The following ZFYVE9 variants were observed in gnomAD, a reference collection of about 807,000 sequenced individuals.
The protein encoded by ZFYVE9 is zinc finger FYVE-type containing 9.
Under a neutral mutation model 126.7 loss-of-function variants are expected in ZFYVE9, and 43 were observed. The observed-to-expected ratio is 0.34, with a 90% CI of 0.27 to 0.44. The LOEUF (loss-of-function observed/expected upper bound fraction) is 0.44, where lower values mean the gene tolerates loss of function less well. Ranked by LOEUF, ZFYVE9 falls within the 20% of genes least tolerant of loss-of-function variation. ZFYVE9 has a pLI of 1.00. For synonymous variants in ZFYVE9, 521 were observed against 597.4 expected, an observed-to-expected ratio of 0.87 and a Z score of 1.87; for missense variants, 1,476 against 1,697.0, an observed-to-expected ratio of 0.87 and a Z score of 2.29.
intron 7 of ZFYVE9, among the ~76,000 whole-genome samples, chr1:52,272,441 T>C (rs1393876448): frequency 1.3e-5 from 2 of 152,232 alleles, no homozygotes; most frequent in Non-Finnish European, 2.9e-5. Flanking sequence ...GTTTTGCTTA[T>C]TCTTGAATTC....
At chr1:52,227,480 C>T (rs1457754068) in intron 2 of ZFYVE9, among the ~76,000 whole-genome samples, 2 of 152,350 alleles carry the variant, frequency 1.3e-5, no homozygotes, top group Middle Eastern at 3.4e-3. Flanking sequence ...TCCAATCAGC[C>T]TTTGCAGCTG....
chr1:52,331,777 T>A (rs1273062563), intron 13 of ZFYVE9, among the ~76,000 whole-genome samples: 3 of 150,368 alleles, frequency 2.0e-5, no homozygotes, highest in Admixed American at 2.0e-4. Context: ...CAAACTCTTT[T>A]TTTTTTTTTT....
chr1:52,336,283 T>C (rs935776258), intron 15 of ZFYVE9, among the ~76,000 whole-genome samples: 4 of 151,860 alleles, frequency 2.6e-5, no homozygotes, highest in African/African-American at 9.7e-5. Context: ...TGCACTAATA[T>C]TTTACAACTA....
At chr1:52,155,200 C>T (rs889010274) in intron 1 of ZFYVE9, among the ~76,000 whole-genome samples, 1 of 150,818 alleles carries the variant, frequency 6.6e-6, no homozygotes, top group African/African-American at 2.4e-5. Context: ...TAATAGGACA[C>T]AGTTGCACAC....
At chr1:52,267,544 AT>A (rs1645646299) in intron 6 of ZFYVE9, among the ~76,000 whole-genome samples, 1 of 152,038 alleles carries the variant, frequency 6.6e-6, no homozygotes, top group Non-Finnish European at 1.5e-5. Flanking sequence ...TCCTTCATTA[AT>A]TTTATCTTTT....
chr1:52,267,432 T>C (rs960665019), intron 6 of ZFYVE9, among the ~76,000 whole-genome samples: 4 of 152,210 alleles, frequency 2.6e-5, no homozygotes, highest in Non-Finnish European at 5.9e-5. Context: ...TATTGTCAGA[T>C]GAAAGGCACT....
chr1:52,314,556 G>A (rs1646165630), intron 13 of ZFYVE9, among the ~76,000 whole-genome samples: 1 of 152,272 alleles, frequency 6.6e-6, no homozygotes, highest in East Asian at 1.9e-4. Flanking sequence ...TGTGGCTCAC[G>A]CCTGTAATCC....
chr1:52,151,511 G>A (rs891934298), intron 1 of ZFYVE9, among the ~76,000 whole-genome samples: 15 of 150,574 alleles, frequency 1.0e-4, no homozygotes, highest in African/African-American at 3.7e-4. Flanking sequence ...GTGTGTATGT[G>A]TGTTTTTTCT....
At chr1:52,192,267 T>C (rs1225919939) in intron 1 of ZFYVE9, among the ~76,000 whole-genome samples, 1 of 152,196 alleles carries the variant, frequency 6.6e-6, no homozygotes, top group East Asian at 1.9e-4. Flanking sequence ...TTTTAGGCAT[T>C]GTGGGAGTGA....
intron 13 of ZFYVE9, among the ~76,000 whole-genome samples, chr1:52,316,365 A>G (rs1297077416): frequency 1.4e-5 from 2 of 141,978 alleles, no homozygotes; most frequent in Non-Finnish European, 3.1e-5. Flanking sequence ...GGTGCCTGTA[A>G]TCCCAGCTAC....
chr1:52,175,767 A>G (rs1644620779), intron 1 of ZFYVE9, among the ~76,000 whole-genome samples: 1 of 152,004 alleles, frequency 6.6e-6, no homozygotes, highest in African/African-American at 2.4e-5. Flanking sequence ...ATCTTCCATC[A>G]CTGAAACCGT....
At chr1:52,225,131 C>T (rs899343481) in intron 2 of ZFYVE9, among the ~76,000 whole-genome samples, 2 of 152,138 alleles carry the variant, frequency 1.3e-5, no homozygotes, top group Non-Finnish European at 2.9e-5. Context: ...ACTTTGTTGC[C>T]CCAATAGTGA....
chr1:52,191,641 C>T (rs1460619423), intron 1 of ZFYVE9, among the ~76,000 whole-genome samples: 1 of 152,178 alleles, frequency 6.6e-6, no homozygotes, highest in Admixed American at 6.5e-5. Flanking sequence ...GAAACTGATA[C>T]TTAGGGTTAT....
chr1:52,179,901 T>A (rs1474176389), intron 1 of ZFYVE9: 8 of 966,424 alleles, frequency 8.3e-6, no homozygotes, highest in African/African-American at 1.6e-5. Context: ...AAAAAGGGCA[T>A]CTTAAAGTCT....
Position 52,216,448 on chromosome 1 carries a change from C to T in ZFYVE9, c.-63C>T. 5.0e-6 allele frequency: 2 copies of T among 398,426 alleles called. No homozygotes were observed. Among genetic ancestry groups the T allele is most frequent in the Non-Finnish European group, 8.9e-6 (2 of 225,982 alleles). 24.7% of individuals were successfully genotyped at this position (398,426 alleles called of 1,614,324 possible). A position where few individuals can be genotyped will look rare whatever the true frequency, so the allele number is the denominator to read the frequency against. On this transcript the variant is annotated 5_prime_UTR_variant, in exon 2 of 19. Transcript: ENST00000287727. ...ATGAGTAAGCACCGAGAAGTCTGTT[C>T]CTTATCACGTGTGTAAGGGGAAAAA...
At chr1:52,336,618 C>T (rs965811397) in intron 15 of ZFYVE9, among the ~76,000 whole-genome samples, 3 of 150,130 alleles carry the variant, frequency 2.0e-5, no homozygotes, top group Non-Finnish European at 4.4e-5. Flanking sequence ...CTCAGCCTCC[C>T]GAAGTGCTGG....
chr1:52,255,977 T>TTCCTTCC (rs1557484297), intron 4 of ZFYVE9, among the ~76,000 whole-genome samples: 55 of 135,362 alleles, frequency 4.1e-4, no homozygotes, highest in African/African-American at 1.8e-3. Flanking sequence ...TCTTTCTTTC[T>TTCCTTCC]TTCTTTCCTT....
chr1:52,235,277 T>C (rs1486718508), intron 3 of ZFYVE9, among the ~76,000 whole-genome samples: 1 of 151,778 alleles, frequency 6.6e-6, no homozygotes, highest in East Asian at 1.9e-4. Flanking sequence ...TCATTTTGTG[T>C]TAATTTATTT....
chr1:52,245,084 G>C (rs1645370927), intron 4 of ZFYVE9, among the ~76,000 whole-genome samples: 1 of 151,980 alleles, frequency 6.6e-6, no homozygotes, highest in South Asian at 2.1e-4. Context: ...TTTGAACCCA[G>C]GAGGCAGAGG....
Sources: gnomAD v4.1 joint callset for allele counts (sites outside exome capture counted in the v4.1 genomes callset) on GRCh38, gnomAD v4.1.1 for gene constraint, MANE v1.5 for transcripts, NCBI Gene and HGNC (gene_info 2026-07-23, HGNC 2026-07-21) for gene names.